The following PDE4D variants were observed in gnomAD, a reference collection of about 807,000 sequenced individuals.
The protein encoded by PDE4D is 3',5'-cyclic-AMP phosphodiesterase 4D.
Under a neutral mutation model 87.4 loss-of-function variants are expected in PDE4D, and 24 were observed. The ratio of observed to expected loss-of-function variants is 0.27; its 90% CI spans 0.20 to 0.39. The LOEUF is 0.39. Ranked by LOEUF, PDE4D falls within the 10% of genes least tolerant of loss-of-function variation. The pLI is 1.00. For synonymous variants in PDE4D, 384 were observed against 383.2 expected (o/e 1.00, Z -0.02); for missense variants, 714 against 1,041.0 (o/e 0.69, Z 4.32).
intron 1 of PDE4D, among the ~76,000 whole-genome samples, chr5:59,682,659 C>T (rs1292565549): frequency 1.3e-5 from 2 of 152,102 alleles, no homozygotes; most frequent in African/African-American, 2.4e-5. Flanking sequence ...TTCCTTTCTG[C>T]CATGTAAAAA....
chr5:59,225,715 A>G (rs1173146112), intron 1 of PDE4D, among the ~76,000 whole-genome samples: 1 of 152,156 alleles, frequency 6.6e-6, no homozygotes, highest in African/African-American at 2.4e-5. Flanking sequence ...CAACCTACAG[A>G]TTAGGAGAAA....
At chr5:59,589,289 T>C (rs1289510265) in intron 1 of PDE4D, among the ~76,000 whole-genome samples, 3 of 152,228 alleles carry the variant, frequency 2.0e-5, no homozygotes, top group Non-Finnish European at 1.5e-5. Flanking sequence ...ATTATTGTTA[T>C]ATGTATTATT....
At chr5:59,706,317 T>G (rs1405504840) in intron 1 of PDE4D, among the ~76,000 whole-genome samples, 1 of 152,106 alleles carries the variant, frequency 6.6e-6, no homozygotes, top group Non-Finnish European at 1.5e-5. Context: ...CCAGGTGATA[T>G]GGGAGTTTCA....
At chr5:59,721,340 A>G (rs925528055) in intron 1 of PDE4D, among the ~76,000 whole-genome samples, 1 of 152,214 alleles carries the variant, frequency 6.6e-6, no homozygotes, top group Non-Finnish European at 1.5e-5. Flanking sequence ...TGCAGGCATA[A>G]GAACACAGAC....
intron 1 of PDE4D, among the ~76,000 whole-genome samples, chr5:59,626,158 A>C (rs1830885503): frequency 6.6e-6 from 1 of 152,238 alleles, no homozygotes; most frequent in Non-Finnish European, 1.5e-5. Context: ...TTAACATTAA[A>C]GTAATGTTTG....
intron 1 of PDE4D, among the ~76,000 whole-genome samples, chr5:59,592,828 T>A (rs1002608738): frequency 6.6e-6 from 1 of 151,994 alleles, no homozygotes; most frequent in African/African-American, 2.4e-5. Context: ...CATCTTGGAG[T>A]CCTAAGATGT....
chr5:59,452,564 T>C (rs1004516586), intron 1 of PDE4D, among the ~76,000 whole-genome samples: 1 of 152,178 alleles, frequency 6.6e-6, no homozygotes, highest in African/African-American at 2.4e-5. Context: ...AGCTACTGCC[T>C]GAGGTGCTGC....
At chr5:59,170,818 A>G (rs1318163541) in intron 5 of PDE4D, among the ~76,000 whole-genome samples, 1 of 151,588 alleles carries the variant, frequency 6.6e-6, no homozygotes, top group East Asian at 1.9e-4. Context: ...TAGAATTTGG[A>G]TTGTTTTTAA....
intron 3 of PDE4D, chr5:59,988,196 C>G (rs1187063186): frequency 1.1e-5 from 3 of 272,486 alleles, no homozygotes; most frequent in Admixed American, 5.0e-5. Flanking sequence ...TGTCTTCTAT[C>G]AAGTCACATA....
At chr5:60,220,279 C>A (rs1047239196) in intron 1 of PDE4D, among the ~76,000 whole-genome samples, 1 of 152,142 alleles carries the variant, frequency 6.6e-6, no homozygotes, top group Non-Finnish European at 1.5e-5. Flanking sequence ...GGACACTAAC[C>A]TAACAGCATT....
At chr5:59,853,244 C>T (rs765385298) in intron 1 of PDE4D, among the ~76,000 whole-genome samples, 18 of 152,054 alleles carry the variant, frequency 1.2e-4, no homozygotes, top group South Asian at 1.0e-3. Context: ...AGTGTAACTT[C>T]GACTCTGCTA....
At chr5:60,333,582 T>C (rs1415250850) in intron 1 of PDE4D, among the ~76,000 whole-genome samples, 1 of 152,186 alleles carries the variant, frequency 6.6e-6, no homozygotes, top group Non-Finnish European at 1.5e-5. Context: ...GACTAACTAA[T>C]GTGTGGCCTG....
At chr5:59,489,558 A>T (rs1308371814) in intron 1 of PDE4D, among the ~76,000 whole-genome samples, 1 of 152,198 alleles carries the variant, frequency 6.6e-6, no homozygotes, top group East Asian at 1.9e-4. Context: ...GAAAATACAG[A>T]ATTGTTTGGC....
In PDE4D at chr5:59,432,974, A is replaced by T. The variant is rs1366595972; in HGVS notation, c.456-217006T>A. Among the ~76,000 whole-genome samples, 7 of 152,146 alleles carry T rather than the reference A, an allele frequency of 4.6e-5. No homozygotes were observed. The South Asian group carries it at 1.0e-3, about 22-fold the overall frequency. ...TAATATTTCATAATTTGGGAGAAAC[A>T]TCACTAATTTTACAATATGGATGTA... is the stretch of plus-strand genomic sequence containing the variant. On this transcript the variant is annotated intron_variant, in intron 1 of 14. Transcript: ENST00000340635.
chr5:59,255,780 TA>T (rs1449406425), intron 1 of PDE4D, among the ~76,000 whole-genome samples: 1 of 152,118 alleles, frequency 6.6e-6, no homozygotes, highest in Non-Finnish European at 1.5e-5. Context: ...TAAGAGTATA[TA>T]CAAAGAAAAC....
At chr5:59,415,880 C>T (rs1428842970) in intron 1 of PDE4D, among the ~76,000 whole-genome samples, 1 of 152,096 alleles carries the variant, frequency 6.6e-6, no homozygotes, top group South Asian at 2.1e-4. Context: ...CCTAAAATTA[C>T]GAAGTGTCTC....
At chr5:59,496,771 T>G (rs1484936055) in intron 1 of PDE4D, among the ~76,000 whole-genome samples, 1 of 152,108 alleles carries the variant, frequency 6.6e-6, no homozygotes, top group Non-Finnish European at 1.5e-5. Flanking sequence ...CTCTCATCCC[T>G]CTTCAGTGTA....
At chr5:59,620,773 T>A (rs1322561818) in intron 1 of PDE4D, among the ~76,000 whole-genome samples, 1 of 152,196 alleles carries the variant, frequency 6.6e-6, no homozygotes, top group Non-Finnish European at 1.5e-5. Flanking sequence ...TCTAACTGAA[T>A]TTTGAAGTCA....
chr5:60,172,317 G>T (rs1783537502), intron 2 of PDE4D, among the ~76,000 whole-genome samples: 1 of 147,710 alleles, frequency 6.8e-6, no homozygotes. Flanking sequence ...CAAAATATTT[G>T]AACGTATTCA....
Sources: gnomAD v4.1 joint callset for allele counts (sites outside exome capture counted in the v4.1 genomes callset) on GRCh38, gnomAD v4.1.1 for gene constraint, MANE v1.5 for transcripts, NCBI Gene and HGNC (gene_info 2026-07-23, HGNC 2026-07-21) for gene names.